Variants in CCDC88C observed in about 807,000 individuals in gnomAD.
The protein encoded by CCDC88C is protein Daple.
CCDC88C carries 131 observed loss-of-function variants against 198.8 expected under a neutral mutation model. The ratio of observed to expected loss-of-function variants is 0.66; its 90% CI spans 0.57 to 0.76. CCDC88C has a LOEUF of 0.76. CCDC88C is among the 30% of genes least tolerant of loss of function. The pLI is 0.00. For synonymous variants in CCDC88C, 1,166 were observed against 1,114.7 expected (o/e 1.05, Z -0.92); for missense variants, 2,553 against 2,631.6 (o/e 0.97, Z 0.65).
intron 4 of CCDC88C, among the ~76,000 whole-genome samples, chr14:91,357,872 G>C (rs1894111537): frequency 6.6e-6 from 1 of 152,226 alleles, no homozygotes; most frequent in Non-Finnish European, 1.5e-5. Flanking sequence ...TGGCCCCATG[G>C]CAGAGCTGGC....
chr14:91,366,698 T>C (rs1458238484), intron 3 of CCDC88C, among the ~76,000 whole-genome samples: 1 of 152,104 alleles, frequency 6.6e-6, no homozygotes, highest in South Asian at 2.1e-4. Context: ...AGCCTCTTGA[T>C]TGGGAAGAAC....
chr14:91,279,383 A>G, intron 27 of CCDC88C, 77 bp from the exon 28 acceptor site: 3 of 1,246,658 alleles, frequency 2.4e-6, no homozygotes, highest in Non-Finnish European at 3.4e-6. Context: ...AAGAAAAACG[A>G]TGCAGCAAAA....
intron 14 of CCDC88C, among the ~76,000 whole-genome samples, chr14:91,314,916 C>T (rs905993928): frequency 3.3e-5 from 5 of 152,210 alleles, no homozygotes; most frequent in Non-Finnish European, 7.3e-5. Flanking sequence ...ACGGGAGGAT[C>T]ACTTGAGCCC....
rs999182032 is a variant in CCDC88C, at chr14:91,281,640, G to A, written c.4631-115C>T. On this transcript the variant is annotated intron_variant, in intron 26 of 29. Transcript: ENST00000389857. ...AGTAGCTCCAGCTCTTGGGGATGAG[G>A]GAATGGCATGCAGATGCTGCCTTTG... is the stretch of plus-strand genomic sequence containing the variant. The A allele has an allele frequency of 1.1e-5, 9 of 856,110 alleles. 1 individual carries two copies. The highest frequency in any genetic ancestry group is 1.7e-5 in the Non-Finnish European group (9 of 517,396). The allele number at this position is 856,110 out of a possible 1,614,324, so 53.0% of individuals were successfully genotyped here. A position where few individuals can be genotyped will look rare whatever the true frequency, so the allele number is the denominator to read the frequency against.
chr14:91,378,975 A>T (rs7146866), intron 3 of CCDC88C: 1 of 152,224 alleles, frequency 6.6e-6, no homozygotes, highest in South Asian at 2.1e-4. Flanking sequence ...TGCAGAAGTT[A>T]CTCCGGGATA....
At chr14:91,341,037 A>G (rs1327960095) in intron 6 of CCDC88C, among the ~76,000 whole-genome samples, 2 of 148,502 alleles carry the variant, frequency 1.3e-5, no homozygotes, top group African/African-American at 2.5e-5. Flanking sequence ...CAAACCCATA[A>G]AATAAAAAGC....
At chr14:91,390,903 T>C (rs891918131) in intron 3 of CCDC88C, among the ~76,000 whole-genome samples, 2 of 152,198 alleles carry the variant, frequency 1.3e-5, no homozygotes, top group Non-Finnish European at 2.9e-5. Context: ...CACCACTTCC[T>C]TGTTTTAAGG....
chr14:91,411,719 T>C (rs983723600), intron 2 of CCDC88C, among the ~76,000 whole-genome samples: 2 of 152,200 alleles, frequency 1.3e-5, no homozygotes, highest in African/African-American at 2.4e-5. Flanking sequence ...CCCCAGCACT[T>C]TGGGAGGCCG....
Position 91,293,437 on chromosome 14 carries a change from T to TGCCC in CCDC88C, c.4112+735_4112+736insGGGC, listed in dbSNP as rs1567055317. Reference sequence around the variant, plus strand: ...TCACCTGCCACGGCCCACCTTCCCGTCCTCACCTGCCACGGTCCACCTTCC... The same window carrying TGCCC: ...TCACCTGCCACGGCCCACCTTCCCGTGCCCCCTCACCTGCCACGGTCCACCTTCC... On this transcript the variant is annotated intron_variant, in intron 23 of 29. Coordinates refer to ENST00000389857, the MANE Select transcript of CCDC88C (RefSeq NM_001080414.4). Among the ~76,000 whole-genome samples the TGCCC allele has an allele frequency of 7.7e-3, 195 of 25,416 alleles. 6 individuals carry two copies. The highest frequency in any genetic ancestry group is 0.013 in the Non-Finnish European group (132 of 10,262). 16.7% of individuals were successfully genotyped at this position (25,416 alleles called of 152,430 possible). A position where few individuals can be genotyped will look rare whatever the true frequency, so the allele number is the denominator to read the frequency against.
At chr14:91,391,208 C>T (rs1248957966) in intron 3 of CCDC88C, among the ~76,000 whole-genome samples, 1 of 151,886 alleles carries the variant, frequency 6.6e-6, no homozygotes, top group Non-Finnish European at 1.5e-5. Context: ...TTTTAGTTTA[C>T]CATCATCCTC....
At position 91,351,802 on chromosome 14, in the gene CCDC88C, C is replaced by T. The variant is rs113761461; in HGVS notation, c.340+7840G>A. On this transcript the variant is annotated intron_variant, in intron 4 of 29. Transcript: ENST00000389857. ...GCCCATGTCAAGTCAGTCCCACCCC[C>T]ACAGATACCCCAGCACCACCACGCA... 4.7e-4 allele frequency among the ~76,000 whole-genome samples: 71 copies of T among 152,152 alleles called. 1 individual carries two copies. Among genetic ancestry groups the T allele is most frequent in the African/African-American group, 1.4e-3 (57 of 41,436 alleles).
intron 29 of CCDC88C, 67 bp downstream of exon 29, chr14:91,277,855 T>G: frequency 4.5e-5 from 64 of 1,434,996 alleles, no homozygotes; most frequent in Non-Finnish European, 5.6e-5. Flanking sequence ...TCTGCAGCTA[T>G]GATCTTGAGC....
At chr14:91,392,967 G>T (rs544887982) in intron 3 of CCDC88C, among the ~76,000 whole-genome samples, 1 of 152,272 alleles carries the variant, frequency 6.6e-6, no homozygotes, top group African/African-American at 2.4e-5. Context: ...CTCACATAGC[G>T]AAAAAGGAAA....
Position 91,303,898 on chromosome 14 carries a change from CT to C in CCDC88C, c.3437del (p.Lys1146ArgfsTer50). 1.2e-6 allele frequency: 2 copies of C among 1,612,860 alleles called. No individual in the cohort carries two copies. The highest frequency in any genetic ancestry group is 1.7e-6 in the Non-Finnish European group (2 of 1,179,888). On this transcript the variant is annotated frameshift_variant, in exon 20 of 30. Coordinates refer to ENST00000389857, the MANE Select transcript of CCDC88C (RefSeq NM_001080414.4). LOFTEE classifies it high-confidence loss of function. ...TCTGCAGGCTTTCGTTCTCCGTCTC[CT>C]TGGCCGTGTGGTGGTTCTGCAGCAG... ...YTLLQNHHTA[K>X]ETENESLQRQ...
intron 22 of CCDC88C, 97 bp from the exon 23 acceptor site, chr14:91,294,415 A>C (rs970584600): frequency 1.4e-6 from 2 of 1,395,798 alleles, no homozygotes; most frequent in African/African-American, 2.9e-5. Context: ...CTGCACAAAG[A>C]TGTTCAACGC....
At chr14:91,317,766 A>G (rs2139814046) in intron 13 of CCDC88C, among the ~76,000 whole-genome samples, 1 of 152,288 alleles carries the variant, frequency 6.6e-6, no homozygotes. Context: ...CCCGAGGGCC[A>G]CGGCAGGAGA....
At chr14:91,389,049 C>T (rs527375079) in intron 3 of CCDC88C, among the ~76,000 whole-genome samples, 5 of 152,180 alleles carry the variant, frequency 3.3e-5, no homozygotes, top group African/African-American at 7.2e-5. Flanking sequence ...TTAGTCTGCA[C>T]GCCAGCCCAA....
At chr14:91,322,312 A>G (rs1328000191) in intron 12 of CCDC88C, among the ~76,000 whole-genome samples, 1 of 152,186 alleles carries the variant, frequency 6.6e-6, no homozygotes, top group African/African-American at 2.4e-5. Flanking sequence ...TAAAGACTGA[A>G]CAGCATCTCG....
At position 91,339,685 on chromosome 14, in the gene CCDC88C, T is replaced by C. The variant is rs1893223281; in HGVS notation, c.624+199A>G. On this transcript the variant is annotated intron_variant, in intron 7 of 29. Transcript: ENST00000389857. This position sits in a 1 kb window ranked among gnomAD's most constrained non-coding sequence, Gnocchi z 5.8. ...AAGGAGGAGGGCCCCAAGCTCCGCG[T>C]CCTGATTCCCTGTATCCTCCCACAG... 6.6e-6 allele frequency among the ~76,000 whole-genome samples: 1 copy of C among 152,172 alleles called. No individual in the cohort carries two copies.
Sources: gnomAD v4.1 joint callset for allele counts (sites outside exome capture counted in the v4.1 genomes callset) on GRCh38, gnomAD v4.1.1 for gene constraint, Gnocchi (gnomAD v3.1) non-coding constraint, MANE v1.5 for transcripts, NCBI Gene and HGNC (gene_info 2026-07-23, HGNC 2026-07-21) for gene names.